Variants in STXBP5L observed in about 807,000 individuals in gnomAD.
STXBP5L encodes syntaxin binding protein 5L, also known as syntaxin-binding protein 5-like.
In STXBP5L, 65 loss-of-function variants were observed where a neutral mutation model predicts 144.5. The observed-to-expected ratio is 0.45, with a 90% CI of 0.37 to 0.55. The LOEUF (loss-of-function observed/expected upper bound fraction) is 0.55, where lower values mean the gene tolerates loss of function less well. Among genes scored for constraint, STXBP5L ranks in the 20% least tolerant of loss-of-function variants. STXBP5L has a pLI of 0.00. For missense variants in STXBP5L, 1,298 were observed against 1,405.5 expected, an observed-to-expected ratio of 0.92 and a Z score of 1.22; for synonymous variants, 505 against 469.6, an observed-to-expected ratio of 1.08 and a Z score of -0.97.
chr3:121,254,320 C>G (rs1249995447), intron 15 of STXBP5L, among the ~76,000 whole-genome samples: 1 of 152,002 alleles, frequency 6.6e-6, no homozygotes, highest in Non-Finnish European at 1.5e-5. Flanking sequence ...TATATCTGAC[C>G]CTTTCTTGAC....
chr3:121,007,897 ATACT>A (rs755489249), intron 3 of STXBP5L, among the ~76,000 whole-genome samples: 8 of 152,204 alleles, frequency 5.3e-5, no homozygotes, highest in Non-Finnish European at 8.8e-5. Context: ...ATGTAAACTA[ATACT>A]TACAGGTGTT....
At chr3:121,019,078 C>G (rs755522494) in intron 3 of STXBP5L, among the ~76,000 whole-genome samples, 3 of 152,164 alleles carry the variant, frequency 2.0e-5, no homozygotes, top group Non-Finnish European at 2.9e-5. Context: ...TGCCTGGGAA[C>G]TGGGTCAGGC....
intron 19 of STXBP5L, among the ~76,000 whole-genome samples, chr3:121,281,610 GA>G (rs1357398840): frequency 1.3e-5 from 2 of 151,952 alleles, no homozygotes; most frequent in African/African-American, 2.4e-5. Flanking sequence ...TCACTTGCTG[GA>G]TATACACAGT....
At chr3:121,241,112 G>A (rs73191447) in intron 14 of STXBP5L, among the ~76,000 whole-genome samples, 5,408 of 152,226 alleles carry the variant, frequency 0.036, 147 homozygotes, top group Middle Eastern at 0.082. Flanking sequence ...ACTGGGAAAT[G>A]TGAAGACGCA....
At chr3:120,912,933 T>C (rs1708921024) in intron 2 of STXBP5L, among the ~76,000 whole-genome samples, 1 of 152,042 alleles carries the variant, frequency 6.6e-6, no homozygotes, top group South Asian at 2.1e-4. Flanking sequence ...TCTCTCATTC[T>C]TTCGTTTCTG....
At position 121,058,194 on chromosome 3, in the gene STXBP5L, C is replaced by T. The variant is rs372405876; in HGVS notation, c.470+12659C>T. ...CCTGTGTCCATGTGTTCTCATTGTT[C>T]GCCTCCCACTTATGAGTGAGAATAT... On this transcript the variant is annotated intron_variant, in intron 5 of 26. Transcript: ENST00000471454. 3.3e-5 allele frequency among the ~76,000 whole-genome samples: 5 copies of T among 152,104 alleles called. No homozygotes were observed. In the South Asian group the frequency reaches 8.3e-4, roughly 25 times the overall value.
chr3:121,048,171 GA>G (rs1947655313), intron 5 of STXBP5L, among the ~76,000 whole-genome samples: 1 of 152,150 alleles, frequency 6.6e-6, no homozygotes, highest in Non-Finnish European at 1.5e-5. Flanking sequence ...GCTGAATATA[GA>G]CCCCCAATTT....
At chr3:120,974,698 C>T (rs1209867726) in intron 3 of STXBP5L, among the ~76,000 whole-genome samples, 13 of 152,128 alleles carry the variant, frequency 8.5e-5, no homozygotes, top group Admixed American at 8.5e-4. Context: ...AGTCTTTAAT[C>T]CATCTTGAAT....
chr3:121,336,762 C>G (rs1397055039), intron 20 of STXBP5L, among the ~76,000 whole-genome samples: 3 of 152,034 alleles, frequency 2.0e-5, no homozygotes, highest in African/African-American at 7.2e-5. Context: ...GGTATATATC[C>G]AAAGGAATAG....
chr3:121,088,076 C>T (rs1055489375), intron 5 of STXBP5L, among the ~76,000 whole-genome samples: 3 of 151,392 alleles, frequency 2.0e-5, no homozygotes, highest in Admixed American at 6.6e-5. Context: ...GCAACAAAAG[C>T]CAAAATTGAC....
chr3:121,235,528 G>A (rs1484453783), intron 12 of STXBP5L, among the ~76,000 whole-genome samples: 2 of 151,776 alleles, frequency 1.3e-5, no homozygotes, highest in African/African-American at 4.8e-5. Context: ...ACTTTGTCAG[G>A]AGCCTATTAT....
At chr3:120,978,382 G>T (rs922558205) in intron 3 of STXBP5L, among the ~76,000 whole-genome samples, 1 of 152,096 alleles carries the variant, frequency 6.6e-6, no homozygotes, top group African/African-American at 2.4e-5. Flanking sequence ...TCAAGCCTTG[G>T]CTTTCAGCTC....
chr3:121,052,514 A>C (rs1948095959), intron 5 of STXBP5L, among the ~76,000 whole-genome samples: 1 of 152,206 alleles, frequency 6.6e-6, no homozygotes, highest in Non-Finnish European at 1.5e-5. Context: ...ATCTCAATAG[A>C]TGCATAAAAG....
rs142689483 is a variant in STXBP5L, at chr3:121,322,703, C to T, written c.2176+4163C>T. Among the ~76,000 whole-genome samples, 423 of 151,332 alleles carry T rather than the reference C, an allele frequency of 2.8e-3. 3 individuals carry two copies. Among genetic ancestry groups the T allele is most frequent in the African/African-American group, 9.2e-3 (378 of 41,276 alleles). On this transcript the variant is annotated intron_variant, in intron 20 of 26. Coordinates refer to ENST00000471454, the MANE Select transcript of STXBP5L (RefSeq NM_001308330.2). The stretch of plus-strand genomic sequence containing the variant: ...TGTGGGGTGGGGGGTTGAGGGGGTG[C>T]GGATATATGCCCAGTAATGGGATTG...
At chr3:121,015,487 A>T (rs1576667101) in intron 3 of STXBP5L, among the ~76,000 whole-genome samples, 1 of 152,188 alleles carries the variant, frequency 6.6e-6, no homozygotes, top group Non-Finnish European at 1.5e-5. Flanking sequence ...CCATAAACTT[A>T]CAGAAACACT....
At chr3:121,390,988 G>T (rs1372962908) in intron 22 of STXBP5L, among the ~76,000 whole-genome samples, 4 of 152,026 alleles carry the variant, frequency 2.6e-5, no homozygotes, top group African/African-American at 7.3e-5. Flanking sequence ...TTTCCAACTT[G>T]GTTCCATTCT....
At chr3:121,177,810 G>A (rs1312061197) in intron 9 of STXBP5L, among the ~76,000 whole-genome samples, 1 of 152,194 alleles carries the variant, frequency 6.6e-6, no homozygotes, top group Non-Finnish European at 1.5e-5. Flanking sequence ...GCAGTGACTT[G>A]AGATATGTGT....
chr3:121,242,037 A>G (rs980181867), intron 14 of STXBP5L, among the ~76,000 whole-genome samples: 4 of 152,164 alleles, frequency 2.6e-5, no homozygotes, highest in African/African-American at 2.4e-5. Context: ...CCTATAACCA[A>G]TGAAAATATC....
At chr3:120,990,086 A>G (rs1317465441) in intron 3 of STXBP5L, among the ~76,000 whole-genome samples, 1 of 152,178 alleles carries the variant, frequency 6.6e-6, no homozygotes, top group East Asian at 1.9e-4. Context: ...AATCTCCTTA[A>G]GCTGATAGGC....
Sources: gnomAD v4.1 joint callset for allele counts (sites outside exome capture counted in the v4.1 genomes callset) on GRCh38, gnomAD v4.1.1 for gene constraint, MANE v1.5 for transcripts, NCBI Gene and HGNC (gene_info 2026-07-23, HGNC 2026-07-21) for gene names.